The following NELL1 variants were observed in gnomAD, a reference collection of about 807,000 sequenced individuals.
NELL1 encodes protein kinase C-binding protein NELL1.
NELL1 carries 76 observed loss-of-function variants against 107.4 expected under a neutral mutation model. The ratio of observed to expected loss-of-function variants is 0.71; its 90% CI spans 0.59 to 0.86. The LOEUF is 0.86. Ranked by LOEUF, NELL1 falls within the 40% of genes least tolerant of loss-of-function variation. NELL1 has a pLI of 0.00. For missense variants in NELL1, 1,024 were observed against 1,005.5 expected (o/e 1.02, Z -0.25); for synonymous variants, 353 against 341.2 (o/e 1.03, Z -0.38).
chr11:21,231,876 A>G (rs1858060214), intron 14 of NELL1, among the ~76,000 whole-genome samples: 1 of 152,184 alleles, frequency 6.6e-6, no homozygotes, highest in Non-Finnish European at 1.5e-5. Context: ...TAAATGCTGC[A>G]TGGGAAAGCA....
At chr11:20,877,209 T>A (rs767433660) in intron 4 of NELL1, among the ~76,000 whole-genome samples, 1 of 152,206 alleles carries the variant, frequency 6.6e-6, no homozygotes. Context: ...TCTGTATAAC[T>A]AAGGAAGGTC....
At chr11:20,765,723 G>C (rs1251080001) in intron 2 of NELL1, among the ~76,000 whole-genome samples, 1 of 152,180 alleles carries the variant, frequency 6.6e-6, no homozygotes, top group Admixed American at 6.5e-5. Flanking sequence ...TGAGGTGGGA[G>C]TTGGGCCTGG....
chr11:21,051,996 G>A (rs757362698), intron 12 of NELL1, among the ~76,000 whole-genome samples: 10 of 152,056 alleles, frequency 6.6e-5, no homozygotes, highest in Non-Finnish European at 1.2e-4. Context: ...TCAGGGAGAC[G>A]GGAAATGCTG....
At chr11:21,445,944 A>T (rs573317012) in intron 15 of NELL1, among the ~76,000 whole-genome samples, 1 of 152,134 alleles carries the variant, frequency 6.6e-6, no homozygotes, top group East Asian at 1.9e-4. Flanking sequence ...TACCCCTATT[A>T]ATCTCTCTAC....
chr11:21,013,457 A>G (rs992972180), intron 12 of NELL1, among the ~76,000 whole-genome samples: 3 of 152,142 alleles, frequency 2.0e-5, no homozygotes, highest in Non-Finnish European at 4.4e-5. Context: ...GCACTGGGCT[A>G]TGGACAAGGC....
intron 15 of NELL1, 139 bp downstream of exon 15, chr11:21,371,087 C>T: frequency 1.6e-6 from 1 of 626,486 alleles, no homozygotes; most frequent in Non-Finnish European, 2.7e-6. Context: ...TGGAGCTCTC[C>T]CAAAGTGGGT....
At chr11:21,216,351 C>T (rs941175456) in intron 13 of NELL1, among the ~76,000 whole-genome samples, 24 of 152,312 alleles carry the variant, frequency 1.6e-4, no homozygotes, top group Admixed American at 9.8e-4. Flanking sequence ...AGCCCCCACA[C>T]GGAGTCCTCA....
intron 4 of NELL1, among the ~76,000 whole-genome samples, chr11:20,859,821 A>G (rs1848947248): frequency 7.1e-6 from 1 of 141,744 alleles, no homozygotes; most frequent in Non-Finnish European, 1.6e-5. Flanking sequence ...AGGCGAACAT[A>G]TTGAATTCTG....
intron 12 of NELL1, among the ~76,000 whole-genome samples, chr11:21,036,489 C>T (rs1195129466): frequency 2.6e-5 from 4 of 152,102 alleles, no homozygotes; most frequent in African/African-American, 9.7e-5. Flanking sequence ...TATTACAGGG[C>T]TACAGTAACC....
chr11:21,123,297 A>G (rs1410716224), intron 13 of NELL1, among the ~76,000 whole-genome samples: 4 of 151,280 alleles, frequency 2.6e-5, no homozygotes, highest in Non-Finnish European at 5.9e-5. Flanking sequence ...TCTAAACAAA[A>G]TGTGGGTTTC....
chr11:21,451,444 G>GT (rs1853583632), intron 15 of NELL1, among the ~76,000 whole-genome samples: 1 of 151,960 alleles, frequency 6.6e-6, no homozygotes, highest in Non-Finnish European at 1.5e-5. Flanking sequence ...CAAAACCTGG[G>GT]TTTTTTCCTG....
intron 15 of NELL1, among the ~76,000 whole-genome samples, chr11:21,468,789 G>A (rs1190442453): frequency 1.3e-5 from 2 of 152,062 alleles, no homozygotes; most frequent in Non-Finnish European, 2.9e-5. Context: ...GGAGGCATAT[G>A]TTCACCCAGA....
chr11:20,721,329 T>C lies in NELL1; in HGVS notation c.184+43269T>C, dbSNP rs539475872. 4.9e-4 allele frequency among the ~76,000 whole-genome samples: 74 copies of C among 151,748 alleles called. No homozygotes were observed. In the South Asian group the frequency reaches 0.015, roughly 30 times the overall value. ...TTTGTATCAACAGGAAGACTGGATG[T>C]TGTTGCAACAACCCTCAAATCTCAG... On this transcript the variant is annotated intron_variant, in intron 2 of 19. Transcript: ENST00000357134.
intron 12 of NELL1, among the ~76,000 whole-genome samples, chr11:20,965,535 G>A (rs1292256592): frequency 6.6e-6 from 1 of 152,190 alleles, no homozygotes; most frequent in African/African-American, 2.4e-5. Flanking sequence ...ATTGTTAGCA[G>A]TGGGGCACTA....
At chr11:21,139,453 A>G (rs1590672080) in intron 13 of NELL1, among the ~76,000 whole-genome samples, 1 of 152,128 alleles carries the variant, frequency 6.6e-6, no homozygotes, top group Admixed American at 6.6e-5. Flanking sequence ...TTCAGTCCCT[A>G]CTGTCACTTG....
intron 12 of NELL1, among the ~76,000 whole-genome samples, chr11:21,035,461 C>T (rs116345521): frequency 0.014 from 2,030 of 142,498 alleles, 52 homozygotes; most frequent in African/African-American, 0.05. Context: ...TGAACATTGA[C>T]GCAAAAATCC....
intron 14 of NELL1, among the ~76,000 whole-genome samples, chr11:21,368,312 T>C (rs1378768047): frequency 6.6e-6 from 1 of 151,584 alleles, no homozygotes; most frequent in African/African-American, 2.4e-5. Context: ...TGAATAGCTC[T>C]TCATCCCTAT....
intron 14 of NELL1, among the ~76,000 whole-genome samples, chr11:21,328,111 T>A (rs1445586151): frequency 6.6e-6 from 1 of 152,086 alleles, no homozygotes; most frequent in East Asian, 1.9e-4. Flanking sequence ...ATGGGGAAAA[T>A]GTCTCCAGGG....
At chr11:20,745,335 C>A (rs997432370) in intron 2 of NELL1, among the ~76,000 whole-genome samples, 1 of 152,124 alleles carries the variant, frequency 6.6e-6, no homozygotes, top group Non-Finnish European at 1.5e-5. Flanking sequence ...TAGAATTAAC[C>A]AAATGACCCA....
Sources: allele counts gnomAD v4.1 joint callset (sites outside exome capture counted in the v4.1 genomes callset), GRCh38; gene constraint gnomAD v4.1.1; transcripts MANE v1.5; gene names NCBI Gene and HGNC (gene_info 2026-07-23, HGNC 2026-07-21).